PLCB1: variants seen among roughly 807,000 people sequenced by gnomAD.
The protein encoded by PLCB1 is 1-phosphatidylinositol 4,5-bisphosphate phosphodiesterase beta-1.
PLCB1 carries 46 observed loss-of-function variants against 161.8 expected under a neutral mutation model. That is an observed-to-expected ratio of 0.28 (90% confidence interval 0.22 to 0.36). PLCB1 has a LOEUF of 0.36. Among genes scored for constraint, PLCB1 ranks in the 10% least tolerant of loss-of-function variants. The pLI is 1.00. For synonymous variants in PLCB1, 517 were observed against 503.7 expected (o/e 1.03, Z -0.35); for missense variants, 1,016 against 1,472.5 (o/e 0.69, Z 5.07).
At chr20:8,514,157 G>A (rs1984009622) in intron 3 of PLCB1, among the ~76,000 whole-genome samples, 1 of 151,676 alleles carries the variant, frequency 6.6e-6, no homozygotes, top group Non-Finnish European at 1.5e-5. Context: ...AGCCTGGGTG[G>A]GCCGGGCATG....
chr20:8,737,529 A>T (rs1980645482), intron 20 of PLCB1, among the ~76,000 whole-genome samples: 1 of 152,234 alleles, frequency 6.6e-6, no homozygotes, highest in African/African-American at 2.4e-5. Flanking sequence ...AGGGAATAAT[A>T]TAGTGGCTGA....
chr20:8,802,365 T>A (rs1984327295), intron 31 of PLCB1: 2 of 521,258 alleles, frequency 3.8e-6, no homozygotes, highest in South Asian at 3.2e-5. Context: ...TGGTATTAAT[T>A]TCTCCATCAT....
intron 2 of PLCB1, among the ~76,000 whole-genome samples, chr20:8,237,312 A>G (rs1222496800): frequency 6.6e-6 from 1 of 152,060 alleles, no homozygotes; most frequent in Non-Finnish European, 1.5e-5. Context: ...ATTAAATAAT[A>G]TATAAATATG....
At chr20:8,682,689 G>C (rs1323460045) in intron 9 of PLCB1, among the ~76,000 whole-genome samples, 1 of 152,148 alleles carries the variant, frequency 6.6e-6, no homozygotes, top group Non-Finnish European at 1.5e-5. Context: ...GTTTAAATCA[G>C]TAAAAATTAG....
intron 26 of PLCB1, among the ~76,000 whole-genome samples, chr20:8,770,039 G>A (rs567274676): frequency 3.3e-5 from 5 of 151,638 alleles, no homozygotes; most frequent in Non-Finnish European, 5.9e-5. Flanking sequence ...TGCAAGCTCC[G>A]CCTCCCGGGT....
chr20:8,390,450 A>C (rs1193461166), intron 3 of PLCB1, among the ~76,000 whole-genome samples: 2 of 152,198 alleles, frequency 1.3e-5, no homozygotes, highest in Non-Finnish European at 2.9e-5. Context: ...TTAATACTTC[A>C]ACATATAAAT....
intron 11 of PLCB1, among the ~76,000 whole-genome samples, chr20:8,704,982 C>T (rs1200608238): frequency 2.0e-4 from 4 of 19,972 alleles, no homozygotes; most frequent in Non-Finnish European, 3.0e-4. Context: ...TTCTCCTTTA[C>T]TCTTTTTTTT....
intron 3 of PLCB1, among the ~76,000 whole-genome samples, chr20:8,454,529 A>G (rs1981211217): frequency 6.6e-6 from 1 of 152,174 alleles, no homozygotes; most frequent in East Asian, 1.9e-4. Context: ...TTGGAGATGA[A>G]GCTGACTGAA....
chr20:8,576,835 T>C (rs1986685667), intron 3 of PLCB1, among the ~76,000 whole-genome samples: 2 of 152,244 alleles, frequency 1.3e-5, no homozygotes, highest in African/African-American at 4.8e-5. Context: ...GCCATCAATT[T>C]AATGATTAAC....
intron 10 of PLCB1, among the ~76,000 whole-genome samples, chr20:8,693,210 G>T (rs963636981): frequency 6.6e-6 from 1 of 152,152 alleles, no homozygotes; most frequent in African/African-American, 2.4e-5. Flanking sequence ...ATGTTTTGGG[G>T]AATATGTACA....
intron 3 of PLCB1, among the ~76,000 whole-genome samples, chr20:8,566,428 A>G (rs990401842): frequency 6.6e-6 from 1 of 152,170 alleles, no homozygotes; most frequent in Non-Finnish European, 1.5e-5. Flanking sequence ...CAGAGCTGAG[A>G]AATGAAGTGT....
chr20:8,282,715 TGTGGCTTTTTGG>T (rs1465703686), intron 2 of PLCB1, among the ~76,000 whole-genome samples: 1 of 152,186 alleles, frequency 6.6e-6, no homozygotes, highest in Non-Finnish European at 1.5e-5. Context: ...TTTTCTTGGT[TGTGGCTTTTTGG>T]GTGGCTTTTT....
At chr20:8,750,769 C>T (rs990243004) in intron 23 of PLCB1, 9 of 1,138,352 alleles carry the variant, frequency 7.9e-6, no homozygotes, top group Non-Finnish European at 1.1e-5. Context: ...CTGGCTCTAA[C>T]AAAGCTACTT....
chr20:8,712,184 A>G (rs1979056277), intron 12 of PLCB1, among the ~76,000 whole-genome samples: 1 of 152,032 alleles, frequency 6.6e-6, no homozygotes, highest in African/African-American at 2.4e-5. Context: ...AGTCCCAGTT[A>G]CTCAGGAGGC....
chr20:8,407,999 T>C (rs901334111), intron 3 of PLCB1, among the ~76,000 whole-genome samples: 1 of 152,034 alleles, frequency 6.6e-6, no homozygotes, highest in Admixed American at 6.6e-5. Flanking sequence ...GATGAGTAAA[T>C]GCAATGTGGT....
intron 2 of PLCB1, among the ~76,000 whole-genome samples, chr20:8,322,744 T>G (rs1984974997): frequency 6.6e-6 from 1 of 152,082 alleles, no homozygotes; most frequent in South Asian, 2.1e-4. Flanking sequence ...ACTTCCAAAG[T>G]TTTGAATTAA....
Position 8,810,357 on chromosome 20 carries a change from G to C in PLCB1, c.3423+20096G>C, listed in dbSNP as rs145027069. On this transcript the variant is annotated intron_variant, in intron 31 of 31. Coordinates refer to ENST00000338037, the MANE Select transcript of PLCB1 (RefSeq NM_015192.4). The stretch of plus-strand genomic sequence containing the variant: ...ACTTCGGATGTACACCATAGTACGT[G>C]TGTTTTCTGATTAGAGCTCTCTTCA... Among the ~76,000 whole-genome samples, 388 of 152,180 alleles carry C rather than the reference G, an allele frequency of 2.5e-3. 3 individuals carry two copies. The highest frequency in any genetic ancestry group is 6.8e-3 in the Middle Eastern group (2 of 294).
In PLCB1 at chr20:8,472,568, G is replaced by T. The variant is rs558241551; in HGVS notation, c.246+101118G>T. ...GAATAGCCGTGTTCTCTTTAAGCCA[G>T]GTATGATGGTGCATGCCTGTAGTCC... On this transcript the variant is annotated intron_variant, in intron 3 of 31. Transcript: ENST00000338037. 5.3e-5 allele frequency among the ~76,000 whole-genome samples: 8 copies of T among 152,188 alleles called. No homozygotes were observed. The South Asian group carries it at 1.7e-3, about 32-fold the overall frequency.
intron 3 of PLCB1, among the ~76,000 whole-genome samples, chr20:8,433,131 G>A (rs1283598247): frequency 2.6e-5 from 4 of 152,174 alleles, no homozygotes; most frequent in Non-Finnish European, 5.9e-5. Flanking sequence ...ACAACAGGAA[G>A]CAAATTCCTT....
Sources: gnomAD v4.1 joint callset for allele counts (sites outside exome capture counted in the v4.1 genomes callset) on GRCh38, gnomAD v4.1.1 for gene constraint, MANE v1.5 for transcripts, NCBI Gene and HGNC (gene_info 2026-07-23, HGNC 2026-07-21) for gene names.